The following TM7SF3 variants were observed in gnomAD, a reference collection of about 807,000 sequenced individuals.
TM7SF3 encodes seven span transmembrane protein.
TM7SF3 carries 60 observed loss-of-function variants against 65.5 expected under a neutral mutation model. The ratio of observed to expected loss-of-function variants is 0.92; its 90% CI spans 0.74 to 1.14. TM7SF3 has a LOEUF of 1.14. Among genes scored for constraint, TM7SF3 ranks in the 50% most tolerant of loss-of-function variants. The pLI, the probability that TM7SF3 is intolerant of heterozygous loss-of-function variation, is 0.00. For synonymous variants in TM7SF3, 264 were observed against 259.6 expected (o/e 1.02, Z -0.16); for missense variants, 623 against 684.8 (o/e 0.91, Z 1.01).
At chr12:27,009,721 T>C (rs1565471172) in intron 1 of TM7SF3, among the ~76,000 whole-genome samples, 1 of 152,152 alleles carries the variant, frequency 6.6e-6, no homozygotes, top group African/African-American at 2.4e-5. Flanking sequence ...TAAATGTCTA[T>C]TTCTAGCTGT....
intron 3 of TM7SF3, among the ~76,000 whole-genome samples, chr12:26,998,283 G>C (rs1455681920): frequency 1.3e-5 from 2 of 151,828 alleles, no homozygotes; most frequent in African/African-American, 4.8e-5. Flanking sequence ...TGATTTTTTT[G>C]CCCTAAATAT....
In TM7SF3 at chr12:27,003,324, G is replaced by T. The variant is rs1194000881; in HGVS notation, c.158C>A (p.Ala53Asp). ...ATTGCTTGAAATATCATGCAAAATA[G>T]CTTCCTCTGGAAAGGGCCTATTGAG... Reference protein sequence around the residue: ...FELNRPFPEEAILHDISSNVT... With the variant: ...FELNRPFPEEDILHDISSNVT... The change falls in exon 2 of 12, where the codon GCT becomes GAT. Residue 53 changes from alanine to aspartate, a missense_variant. Physicochemically the swap from Ala to Asp is moderately radical, Grantham distance 126. Transcript: ENST00000343028. The T allele has an allele frequency of 1.9e-6, 3 of 1,613,522 alleles. No individual in the cohort carries two copies. The highest frequency in any genetic ancestry group is 2.5e-6 in the Non-Finnish European group (3 of 1,179,700).
chr12:26,990,002 G>A (rs1036006606), intron 6 of TM7SF3, among the ~76,000 whole-genome samples: 3 of 152,122 alleles, frequency 2.0e-5, no homozygotes, highest in African/African-American at 7.2e-5. Flanking sequence ...TGCAACCCCT[G>A]TCATCACTGC....
chr12:27,005,726 T>C (rs1044115966), intron 1 of TM7SF3, among the ~76,000 whole-genome samples: 4 of 151,898 alleles, frequency 2.6e-5, no homozygotes, highest in Admixed American at 1.3e-4. Flanking sequence ...CTAAAATACA[T>C]TGTTAAACAA....
At chr12:26,990,757 C>G (rs1940320333) in intron 5 of TM7SF3, 130 bp from the exon 6 acceptor site, 1 of 655,694 alleles carries the variant, frequency 1.5e-6, no homozygotes, top group Admixed American at 3.0e-5. Flanking sequence ...TATACACCAA[C>G]CCATTTAATA....
In TM7SF3 at chr12:27,014,097, G is replaced by T; in HGVS notation, c.72C>A (p.Val24=). ...CCTTACCCTCGCTGGAATTCCCGAA[G>T]ACCTCGGCTGCACCAGCCACCCGGT... is the stretch of plus-strand genomic sequence containing the variant. ...SEHRVAGAAE[V]FGNSSEGLIE... The change falls in exon 1 of 12, where the codon GTC becomes GTA. Residue 24 remains valine, a synonymous_variant. Transcript: ENST00000343028. 1 of 1,571,612 alleles carries T rather than the reference G, an allele frequency of 6.4e-7. No homozygotes were observed. The highest frequency in any genetic ancestry group is 8.6e-7 in the Non-Finnish European group (1 of 1,158,210).
chr12:26,998,361 C>T (rs1345599886), intron 3 of TM7SF3, among the ~76,000 whole-genome samples: 1 of 152,022 alleles, frequency 6.6e-6, no homozygotes, highest in Admixed American at 6.6e-5. Flanking sequence ...AGTTGGGAAT[C>T]TAATCTCACC....
At position 26,980,702 on chromosome 12, in the gene TM7SF3, A is replaced by C. The variant is rs1939777576; in HGVS notation, c.956-56T>G. Reference sequence around the variant, plus strand: ...AGCAAAACAACAAAAGCTATGGTTAAGCACCCTTTTTACAGTGCAATTTAA... The same window carrying C: ...AGCAAAACAACAAAAGCTATGGTTACGCACCCTTTTTACAGTGCAATTTAA... On this transcript the variant is annotated intron_variant, in intron 7 of 11. Transcript: ENST00000343028. The C allele has an allele frequency of 1.0e-5, 9 of 892,100 alleles. No homozygotes were observed. In the East Asian group the frequency reaches 2.3e-4, roughly 23 times the overall value. The allele number at this position is 892,100 out of a possible 1,614,324, so 55.3% of individuals were successfully genotyped here.
chr12:26,995,862 A>G (rs1319399696), intron 4 of TM7SF3, among the ~76,000 whole-genome samples: 1 of 152,222 alleles, frequency 6.6e-6, no homozygotes, highest in African/African-American at 2.4e-5. Flanking sequence ...CTCTAGAACC[A>G]TGAGAAAGAA....
intron 6 of TM7SF3, 133 bp downstream of exon 6, chr12:26,990,317 T>A: frequency 1.6e-6 from 1 of 613,746 alleles, no homozygotes; most frequent in East Asian, 2.9e-5. Context: ...TACTGCTATG[T>A]CCCAGTGCCT....
chr12:27,013,376 T>C (rs962135972), intron 1 of TM7SF3, among the ~76,000 whole-genome samples: 9 of 152,228 alleles, frequency 5.9e-5, no homozygotes, highest in African/African-American at 2.2e-4. Context: ...AGAACAACTC[T>C]GATACCTGGA....
At chr12:26,994,787 T>C (rs541563882) in intron 5 of TM7SF3, among the ~76,000 whole-genome samples, 22 of 152,350 alleles carry the variant, frequency 1.4e-4, no homozygotes, top group Non-Finnish European at 2.4e-4. Context: ...AGGGTTTACA[T>C]GGATTCAAAA....
rs1565867478 is a variant in TM7SF3, at chr12:26,979,856, A to G, written c.1117T>C (p.Ser373Pro). The G allele has an allele frequency of 1.2e-6, 2 of 1,614,196 alleles. No homozygotes were observed. Among genetic ancestry groups the G allele is most frequent in the Admixed American group, 3.3e-5 (2 of 60,006 alleles). ...VAVWWRFGILSICMLCVGLVL... is the reference protein window; with the variant it reads ...VAVWWRFGILPICMLCVGLVL... The stretch of plus-strand genomic sequence containing the variant: ...AGTCCAACACAGAGCATGCAGATCG[A>G]GAGGATTCCAAATCGCCACCACACA... The change falls in exon 9 of 12, where the codon TCG (serine) becomes CCG (proline). Residue 373 changes from serine (S) to proline (P), a missense_variant. By Grantham distance (74) the Ser-to-Pro change is moderately conservative. Transcript: ENST00000343028.
At chr12:27,007,534 T>TAA (rs199758934) in intron 1 of TM7SF3, among the ~76,000 whole-genome samples, 1 of 148,160 alleles carries the variant, frequency 6.7e-6, no homozygotes, top group East Asian at 2.0e-4. Context: ...TGGAGGGGAT[T>TAA]AAAAAAAAAA....
At chr12:27,008,915 A>C (rs1305817120) in intron 1 of TM7SF3, among the ~76,000 whole-genome samples, 2 of 152,194 alleles carry the variant, frequency 1.3e-5, no homozygotes, top group East Asian at 3.9e-4. Context: ...AGTACAATGT[A>C]CATAATTCCA....
At position 26,972,109 on chromosome 12, in the gene TM7SF3, C is replaced by A. The variant is rs372649365; in HGVS notation, c.*1856G>T. 34 of 152,322 alleles carry A rather than the reference C, an allele frequency of 2.2e-4. No individual in the cohort carries two copies. Among genetic ancestry groups the A allele is most frequent in the African/African-American group, 8.2e-4 (34 of 41,574 alleles). The allele number at this position is 152,322 out of a possible 1,614,324, so 9.4% of individuals were successfully genotyped here. On this transcript the variant is annotated 3_prime_UTR_variant, in exon 12 of 12. Coordinates refer to ENST00000343028, the MANE Select transcript of TM7SF3 (RefSeq NM_016551.3). ...GTCACCAGCTCACAATAATTCAGTG[C>A]TCTGAAAGCTGGGGGGAAAGCCCCT...
At chr12:27,012,880 C>A (rs372600076) in intron 1 of TM7SF3, 13 of 367,258 alleles carry the variant, frequency 3.5e-5, no homozygotes, top group South Asian at 2.6e-4. Context: ...CGCCTGTAAT[C>A]CCAGCTACTC....
At chr12:27,007,276 T>C (rs1462904953) in intron 1 of TM7SF3, among the ~76,000 whole-genome samples, 1 of 152,152 alleles carries the variant, frequency 6.6e-6, no homozygotes, top group African/African-American at 2.4e-5. Context: ...ATGCCTACAG[T>C]GCGAACCAGG....
At chr12:26,988,776 T>C (rs1260334437) in intron 6 of TM7SF3, among the ~76,000 whole-genome samples, 1 of 151,000 alleles carries the variant, frequency 6.6e-6, no homozygotes, top group Non-Finnish European at 1.5e-5. Context: ...TCCACTTACA[T>C]ACAGACTTTT....
Sources: gnomAD v4.1 joint callset for allele counts (sites outside exome capture counted in the v4.1 genomes callset) on GRCh38, gnomAD v4.1.1 for gene constraint, MANE v1.5 for transcripts, NCBI Gene and HGNC (gene_info 2026-07-23, HGNC 2026-07-21) for gene names.